Variants in LHFPL3 observed in about 807,000 individuals in gnomAD.
LHFPL3 encodes the protein LHFPL tetraspan subfamily member 3, also known as LHFPL tetraspan subfamily member 3 protein.
Under a neutral mutation model 19.3 loss-of-function variants are expected in LHFPL3, and 5 were observed. The ratio of observed to expected loss-of-function variants is 0.26; its 90% confidence interval spans 0.14 to 0.54. The LOEUF (loss-of-function observed/expected upper bound fraction) is 0.54, where lower values mean the gene tolerates loss of function less well. Ranked by LOEUF, LHFPL3 falls within the 20% of genes least tolerant of loss-of-function variation. The probability of loss-of-function intolerance (pLI) is 0.94; values close to 1 mark genes in which losing one functional copy is unlikely to be tolerated. For synonymous variants in LHFPL3, 133 were observed against 126.2 expected (o/e 1.05, Z -0.36); for missense variants, 249 against 307.4 (o/e 0.81, Z 1.42).
chr7:104,475,579 T>A (rs1335614863), intron 1 of LHFPL3, among the ~76,000 whole-genome samples: 2 of 152,292 alleles, frequency 1.3e-5, no homozygotes, highest in East Asian at 3.9e-4. Context: ...ATGGTTGAGA[T>A]GGTCGATTTT....
chr7:104,597,513 T>C (rs1013784228), intron 1 of LHFPL3, among the ~76,000 whole-genome samples: 3 of 152,210 alleles, frequency 2.0e-5, no homozygotes, highest in African/African-American at 4.8e-5. Flanking sequence ...ATTATACATC[T>C]CTACTTTATT....
At chr7:104,864,973 A>G (rs1297221080) in intron 2 of LHFPL3, among the ~76,000 whole-genome samples, 1 of 152,198 alleles carries the variant, frequency 6.6e-6, no homozygotes. Context: ...AGGGTCTGGA[A>G]TGGACCTCCA....
At chr7:104,490,499 G>A (rs1342272014) in intron 1 of LHFPL3, among the ~76,000 whole-genome samples, 2 of 151,938 alleles carry the variant, frequency 1.3e-5, no homozygotes, top group Non-Finnish European at 2.9e-5. Context: ...TTGACCTGTA[G>A]CAAAATATCC....
intron 1 of LHFPL3, among the ~76,000 whole-genome samples, chr7:104,450,785 G>A (rs1383044778): frequency 1.3e-5 from 2 of 152,092 alleles, no homozygotes; most frequent in Non-Finnish European, 2.9e-5. Context: ...AATATCTAAT[G>A]TGATCTTTAA....
intron 1 of LHFPL3, among the ~76,000 whole-genome samples, chr7:104,441,574 TTTTA>T (rs1042189582): frequency 2.9e-5 from 4 of 135,726 alleles, no homozygotes; most frequent in South Asian, 2.3e-4. Flanking sequence ...ATCCTGATTT[TTTTA>T]TTTATTTATT....
intron 1 of LHFPL3, among the ~76,000 whole-genome samples, chr7:104,476,522 A>C (rs1459179465): frequency 6.6e-6 from 1 of 151,518 alleles, no homozygotes; most frequent in African/African-American, 2.4e-5. Context: ...TGCAAATGGC[A>C]CGATCTCGGC....
intron 1 of LHFPL3, among the ~76,000 whole-genome samples, chr7:104,336,958 A>G (rs200589981): frequency 6.6e-6 from 1 of 152,194 alleles, no homozygotes; most frequent in East Asian, 1.9e-4. Context: ...TTAGAGAACA[A>G]TGGCAGATAG....
intron 1 of LHFPL3, among the ~76,000 whole-genome samples, chr7:104,671,278 G>C (rs1240892099): frequency 6.6e-6 from 1 of 151,464 alleles, no homozygotes; most frequent in African/African-American, 2.4e-5. Flanking sequence ...AAAAACTATT[G>C]ATTGTAGATA....
chr7:104,823,328 C>T (rs1790714386), intron 2 of LHFPL3, among the ~76,000 whole-genome samples: 1 of 152,170 alleles, frequency 6.6e-6, no homozygotes, highest in Non-Finnish European at 1.5e-5. Context: ...CCCATGACAG[C>T]CACTTAACTA....
chr7:104,419,456 A>C (rs1158584113), intron 1 of LHFPL3, among the ~76,000 whole-genome samples: 1 of 152,220 alleles, frequency 6.6e-6, no homozygotes, highest in African/African-American at 2.4e-5. Context: ...AGTTAAGTGA[A>C]CATAATTTAA....
At chr7:104,414,471 C>T (rs1791586131) in intron 1 of LHFPL3, among the ~76,000 whole-genome samples, 1 of 152,138 alleles carries the variant, frequency 6.6e-6, no homozygotes, top group Admixed American at 6.5e-5. Flanking sequence ...GCGCCCAGAT[C>T]TGAGGATGGG....
At chr7:104,897,103 T>C (rs1015314133) in intron 2 of LHFPL3, among the ~76,000 whole-genome samples, 1 of 152,048 alleles carries the variant, frequency 6.6e-6, no homozygotes, top group African/African-American at 2.4e-5. Flanking sequence ...AAAAAAAGTT[T>C]TAAGCTGAAG....
intron 1 of LHFPL3, among the ~76,000 whole-genome samples, chr7:104,527,693 G>C (rs149125185): frequency 6.6e-6 from 1 of 152,124 alleles, no homozygotes; most frequent in African/African-American, 2.4e-5. Flanking sequence ...GAGTGAAGGA[G>C]GGGGAGGAAG....
intron 2 of LHFPL3, among the ~76,000 whole-genome samples, chr7:104,811,991 A>G (rs574120712): frequency 2.0e-5 from 3 of 152,342 alleles, no homozygotes; most frequent in African/African-American, 7.2e-5. Flanking sequence ...TGAATGCAAT[A>G]ATACAAAGAA....
intron 2 of LHFPL3, among the ~76,000 whole-genome samples, chr7:104,832,129 T>C (rs1235144601): frequency 2.0e-5 from 3 of 152,000 alleles, no homozygotes; most frequent in Admixed American, 2.0e-4. Flanking sequence ...TAGCCTTTGT[T>C]CTTTTTCAGT....
intron 2 of LHFPL3, among the ~76,000 whole-genome samples, chr7:104,816,723 T>G (rs1317351164): frequency 6.6e-6 from 1 of 152,236 alleles, no homozygotes; most frequent in Non-Finnish European, 1.5e-5. Context: ...CAGTTTCATT[T>G]TCAGGCCACT....
intron 1 of LHFPL3, among the ~76,000 whole-genome samples, chr7:104,400,685 A>G (rs187556903): frequency 5.3e-5 from 8 of 152,072 alleles, no homozygotes; most frequent in South Asian, 2.1e-4. Context: ...CAGACTAACA[A>G]CTCAAATACC....
chr7:104,476,015 C>G (rs1793005482), intron 1 of LHFPL3, among the ~76,000 whole-genome samples: 1 of 152,082 alleles, frequency 6.6e-6, no homozygotes, highest in Non-Finnish European at 1.5e-5. Flanking sequence ...TGTAGCATGC[C>G]TTGAGTCTCT....
At chr7:104,468,332 T>C (rs1253907429) in intron 1 of LHFPL3, among the ~76,000 whole-genome samples, 1 of 152,222 alleles carries the variant, frequency 6.6e-6, no homozygotes, top group Non-Finnish European at 1.5e-5. Flanking sequence ...TCCTAGCTGC[T>C]AGGGAATCTA....
Sources: gnomAD v4.1 joint callset for allele counts (sites outside exome capture counted in the v4.1 genomes callset) on GRCh38, gnomAD v4.1.1 for gene constraint, MANE v1.5 for transcripts, NCBI Gene and HGNC (gene_info 2026-07-23, HGNC 2026-07-21) for gene names.